The following ADORA2B variants were observed in gnomAD, a reference collection of about 807,000 sequenced individuals.
ADORA2B encodes adenosine A2b receptor.
ADORA2B carries 18 observed loss-of-function variants against 20.8 expected under a neutral mutation model. The observed-to-expected ratio is 0.87, with a 90% CI of 0.60 to 1.29. ADORA2B has a LOEUF of 1.29. ADORA2B is among the 50% of genes most tolerant of loss of function. The probability of loss-of-function intolerance (pLI) is 0.00; values close to 1 mark genes in which losing one functional copy is unlikely to be tolerated. For missense variants in ADORA2B, 441 were observed against 422.7 expected (o/e 1.04, Z -0.38); for synonymous variants, 179 against 178.3 (o/e 1.00, Z -0.03).
intron 1 of ADORA2B, among the ~76,000 whole-genome samples, chr17:15,970,130 G>A (rs529239082): frequency 5.3e-5 from 8 of 152,212 alleles, no homozygotes; most frequent in Non-Finnish European, 1.2e-4. Flanking sequence ...GTATTTATAT[G>A]TTTACTTATT....
the ADORA2B span, among the ~76,000 whole-genome samples, chr17:15,915,681 C>G: frequency 6.6e-6 from 1 of 152,182 alleles, no homozygotes; most frequent in Non-Finnish European, 1.5e-5. Context: ...AGAAGTCCCA[C>G]AGTCTGCCGT....
At chr17:15,879,211 GA>G in the ADORA2B span, among the ~76,000 whole-genome samples, 2 of 152,134 alleles carry the variant, frequency 1.3e-5, no homozygotes, top group East Asian at 3.9e-4. Flanking sequence ...AGGGCTTTAG[GA>G]GGCCAAGGTG....
chr17:15,945,238 C>G lies in ADORA2B; in HGVS notation c.-11C>G. On this transcript the variant is annotated 5_prime_UTR_variant, in exon 1 of 2. Coordinates refer to ENST00000304222, the MANE Select transcript of ADORA2B (RefSeq NM_000676.4). ...TCGGTAGGGGGCGCCCGGGGCCCAG[C>G]TGGCCCGGCCATGCTGCTGGAGACA... The G allele has an allele frequency of 1.4e-6, 2 of 1,408,608 alleles. No individual in the cohort carries two copies. Among genetic ancestry groups the G allele is most frequent in the South Asian group, 3.1e-5 (2 of 64,566 alleles). The allele number at this position is 1,408,608 out of a possible 1,614,324, so 87.3% of individuals were successfully genotyped here.
the ADORA2B span, among the ~76,000 whole-genome samples, chr17:15,852,594 G>T: frequency 6.6e-6 from 1 of 151,924 alleles, no homozygotes; most frequent in East Asian, 1.9e-4. Flanking sequence ...TATTAGACAC[G>T]GACTTTAAAA....
At chr17:15,964,010 A>G (rs1051702930) in intron 1 of ADORA2B, among the ~76,000 whole-genome samples, 1 of 152,148 alleles carries the variant, frequency 6.6e-6, no homozygotes, top group African/African-American at 2.4e-5. Context: ...CCTCCTGGGA[A>G]GACTCGGCCT....
the ADORA2B span, among the ~76,000 whole-genome samples, chr17:15,877,743 C>T: frequency 6.6e-6 from 1 of 152,080 alleles, no homozygotes; most frequent in African/African-American, 2.4e-5. Context: ...TTTGGCTGCT[C>T]TGTGAACACA....
At chr17:15,884,789 A>G in the ADORA2B span, among the ~76,000 whole-genome samples, 1 of 152,116 alleles carries the variant, frequency 6.6e-6, no homozygotes, top group African/African-American at 2.4e-5. Context: ...CATGGTGTAT[A>G]TGTACCGTAT....
upstream of ADORA2B, chr17:15,944,952 C>T (rs943068991): frequency 8.5e-6 from 2 of 235,398 alleles, no homozygotes; most frequent in African/African-American, 2.3e-5. This position sits in a 1 kb window ranked among gnomAD's most constrained non-coding sequence, Gnocchi z 4.8. Context: ...CACCAAGACG[C>T]GGCACGGCGC....
Position 15,966,145 on chromosome 17 carries a change from C to T in ADORA2B, c.336-8534C>T, listed in dbSNP as rs1347740954. Reference sequence around the variant, plus strand: ...CTTTATAGCAGAAATGTATGTATTTCAGAGGAATTTAAAGCTTGTGAGCTA... The same window carrying T: ...CTTTATAGCAGAAATGTATGTATTTTAGAGGAATTTAAAGCTTGTGAGCTA... On this transcript the variant is annotated intron_variant, in intron 1 of 1. Coordinates refer to ENST00000304222, the MANE Select transcript of ADORA2B (RefSeq NM_000676.4). 2.6e-5 allele frequency among the ~76,000 whole-genome samples: 4 copies of T among 152,146 alleles called. No individual in the cohort carries two copies. The East Asian group carries it at 7.7e-4, about 29-fold the overall frequency.
the ADORA2B span, among the ~76,000 whole-genome samples, chr17:15,939,645 G>A: frequency 6.6e-6 from 1 of 151,952 alleles, no homozygotes; most frequent in Non-Finnish European, 1.5e-5. Flanking sequence ...AGATCATGAG[G>A]TCAGGAGATT....
the ADORA2B span, among the ~76,000 whole-genome samples, chr17:15,932,471 C>T: frequency 4.3e-4 from 61 of 142,112 alleles, no homozygotes; most frequent in African/African-American, 1.5e-3. Context: ...CCAGCCTGGG[C>T]GACAGAGCAA....
At chr17:15,867,072 C>T in the ADORA2B span, among the ~76,000 whole-genome samples, 3 of 152,352 alleles carry the variant, frequency 2.0e-5, no homozygotes, top group South Asian at 2.1e-4. Flanking sequence ...CAGACGGAGT[C>T]GCGTTCACTC....
chr17:15,965,073 CAAA>C lies in ADORA2B; in HGVS notation c.336-9604_336-9602del, dbSNP rs201830727. Among the ~76,000 whole-genome samples, 676 of 145,502 alleles carry C rather than the reference CAAA, an allele frequency of 4.6e-3. 3 individuals carry two copies. Among genetic ancestry groups the C allele is most frequent in the African/African-American group, 0.017 (644 of 38,956 alleles). ...AGACTCTGTCTCAAAAACAAACAAA[CAAA>C]ATTTCATAGTTTGATCCCATGGGAA... On this transcript the variant is annotated intron_variant, in intron 1 of 1. Transcript: ENST00000304222.
chr17:15,936,833 G>T, the ADORA2B span, among the ~76,000 whole-genome samples: 3 of 152,186 alleles, frequency 2.0e-5, no homozygotes, highest in Non-Finnish European at 4.4e-5. Flanking sequence ...GCACATGCCT[G>T]TAGTTCCAGC....
intron 1 of ADORA2B, among the ~76,000 whole-genome samples, chr17:15,970,549 G>A (rs1970179070): frequency 6.6e-6 from 1 of 152,150 alleles, no homozygotes; most frequent in Non-Finnish European, 1.5e-5. Context: ...TACTGATTTA[G>A]CTTCTGGTCT....
intron 1 of ADORA2B, among the ~76,000 whole-genome samples, chr17:15,962,039 A>G (rs918387524): frequency 6.6e-6 from 1 of 152,196 alleles, no homozygotes; most frequent in Non-Finnish European, 1.5e-5. Flanking sequence ...GCAGTGGCTC[A>G]TGGCTGTAAT....
At chr17:15,971,509 A>T (rs1033580279) in intron 1 of ADORA2B, among the ~76,000 whole-genome samples, 1 of 152,262 alleles carries the variant, frequency 6.6e-6, no homozygotes, top group Admixed American at 6.5e-5. Context: ...CTTCCTCAGC[A>T]AACGACTGGT....
the ADORA2B span, among the ~76,000 whole-genome samples, chr17:15,912,382 A>AT: frequency 0.01 from 1,331 of 133,050 alleles, 25 homozygotes; most frequent in African/African-American, 0.038. Context: ...CCTGTATCAA[A>AT]TTAAAAAAAA....
chr17:15,929,744 T>C, the ADORA2B span, among the ~76,000 whole-genome samples: 1 of 152,250 alleles, frequency 6.6e-6, no homozygotes, highest in Non-Finnish European at 1.5e-5. Context: ...GAGGACGTTA[T>C]GCTGAGTGAA....
Sources: allele counts gnomAD v4.1 joint callset (sites outside exome capture counted in the v4.1 genomes callset), GRCh38; gene constraint gnomAD v4.1.1; non-coding constraint Gnocchi (gnomAD v3.1); transcripts MANE v1.5; gene names NCBI Gene and HGNC (gene_info 2026-07-23, HGNC 2026-07-21).